LRRC4C: variants seen among roughly 807,000 people sequenced by gnomAD.
LRRC4C encodes the protein leucine rich repeat containing 4C.
A neutral mutation model predicts 33.6 loss-of-function variants in LRRC4C; 5 were observed. The observed-to-expected ratio is 0.15, with a 90% CI of 0.08 to 0.31. The LOEUF (loss-of-function observed/expected upper bound fraction) is 0.31. LRRC4C is among the 10% of genes least tolerant of loss of function. The probability of loss-of-function intolerance (pLI) is 1.00; values close to 1 mark genes in which losing one functional copy is unlikely to be tolerated. For synonymous variants in LRRC4C, 329 were observed against 302.0 expected, an observed-to-expected ratio of 1.09 and a Z score of -0.93; for missense variants, 560 against 796.7, an observed-to-expected ratio of 0.70 and a Z score of 3.58.
chr11:40,465,227 T>C (rs1190144521), intron 3 of LRRC4C, among the ~76,000 whole-genome samples: 1 of 151,938 alleles, frequency 6.6e-6, no homozygotes, highest in Non-Finnish European at 1.5e-5. Context: ...CCCCGTTCAA[T>C]AAATGGTGCT....
chr11:40,399,303 A>G (rs376320369), intron 3 of LRRC4C, among the ~76,000 whole-genome samples: 2 of 152,252 alleles, frequency 1.3e-5, no homozygotes, highest in South Asian at 2.1e-4. Flanking sequence ...ACAATGATAG[A>G]CTGGATTAAG....
At chr11:40,940,559 C>A (rs771980025) in intron 1 of LRRC4C, among the ~76,000 whole-genome samples, 3 of 152,134 alleles carry the variant, frequency 2.0e-5, no homozygotes, top group Non-Finnish European at 4.4e-5. Context: ...CTATTTTTAA[C>A]CATCATCTTT....
intron 1 of LRRC4C, among the ~76,000 whole-genome samples, chr11:41,109,838 G>A (rs1171999704): frequency 6.6e-6 from 1 of 151,984 alleles, no homozygotes; most frequent in Admixed American, 6.6e-5. Context: ...CTCTTTAAGA[G>A]CATCAAGGGA....
At chr11:41,110,318 A>C (rs1226214498) in intron 1 of LRRC4C, among the ~76,000 whole-genome samples, 1 of 152,114 alleles carries the variant, frequency 6.6e-6, no homozygotes, top group African/African-American at 2.4e-5. Flanking sequence ...TGCAAGCTTA[A>C]TAATAGCTAA....
Position 40,115,539 on chromosome 11 carries a change from G to C in LRRC4C, c.754C>G (p.Gln252Glu). The change falls in exon 7 of 7, where the codon CAG (glutamine) becomes GAG (glutamate). Residue 252 changes from glutamine (Q) to glutamate (E), a missense_variant. By Grantham distance (29) the Gln-to-Glu change is conservative. Transcript: ENST00000528697. The surrounding 1 kb of genome is among the most constrained non-coding windows in gnomAD (Gnocchi z 6.7). ...CGTTCAATCACTTGAATCTGGGACT[G>C]TATCATCCACAGTTTTTGAAGGTGC... ...LMHLQKLWMI[Q>E]SQIQVIERNA... is the part of the protein sequence containing the mutation. 6.2e-7 allele frequency: 1 copy of C among 1,614,204 alleles called. No individual in the cohort carries two copies. The highest frequency in any genetic ancestry group is 8.5e-7 in the Non-Finnish European group (1 of 1,180,034).
intron 1 of LRRC4C, among the ~76,000 whole-genome samples, chr11:41,332,904 G>C (rs1591288839): frequency 6.6e-6 from 1 of 152,088 alleles, no homozygotes; most frequent in East Asian, 1.9e-4. Context: ...TAGTGACTCA[G>C]AATAACTTCT....
intron 3 of LRRC4C, among the ~76,000 whole-genome samples, chr11:40,620,431 G>C (rs1962339734): frequency 6.6e-6 from 1 of 151,740 alleles, no homozygotes; most frequent in African/African-American, 2.4e-5. Context: ...TCCACGGCTG[G>C]AAGGAGGTAG....
intron 3 of LRRC4C, among the ~76,000 whole-genome samples, chr11:40,575,096 A>G (rs1307812555): frequency 6.6e-6 from 1 of 152,126 alleles, no homozygotes; most frequent in African/African-American, 2.4e-5. Context: ...TCCATATCTC[A>G]GGACAATGGA....
Position 41,222,040 on chromosome 11 carries a change from C to A in LRRC4C, c.-496+237391G>T, listed in dbSNP as rs560473109. On this transcript the variant is annotated intron_variant, in intron 1 of 6. Coordinates refer to ENST00000528697, the MANE Select transcript of LRRC4C (RefSeq NM_001258419.2). ...AATAAAATCTCACCTTCTAAGGGAGCAGAGAGTAGAAGAATGGTGAATTAC... is the reference window on the plus strand; with the variant it reads ...AATAAAATCTCACCTTCTAAGGGAGAAGAGAGTAGAAGAATGGTGAATTAC... 5.9e-5 allele frequency among the ~76,000 whole-genome samples: 9 copies of A among 152,258 alleles called. No individual in the cohort carries two copies. The East Asian group carries it at 1.7e-3, about 29-fold the overall frequency.
At chr11:40,915,226 C>G (rs1444880847) in intron 2 of LRRC4C, among the ~76,000 whole-genome samples, 3 of 152,048 alleles carry the variant, frequency 2.0e-5, no homozygotes, top group Non-Finnish European at 4.4e-5. Context: ...AAAAAAGAGC[C>G]CATATTGCCA....
chr11:40,524,129 G>A (rs1327527321), intron 3 of LRRC4C, among the ~76,000 whole-genome samples: 2 of 152,150 alleles, frequency 1.3e-5, no homozygotes, highest in South Asian at 2.1e-4. Flanking sequence ...TAACACTGAA[G>A]TAAGGGTTTT....
chr11:40,427,219 G>A (rs1227416457), intron 3 of LRRC4C, among the ~76,000 whole-genome samples: 3 of 152,116 alleles, frequency 2.0e-5, no homozygotes, highest in Non-Finnish European at 4.4e-5. Context: ...AAATTAAGTT[G>A]AGGACCGGGC....
chr11:40,156,944 C>T (rs531863299), intron 5 of LRRC4C, among the ~76,000 whole-genome samples: 1 of 151,964 alleles, frequency 6.6e-6, no homozygotes, highest in Admixed American at 6.6e-5. Flanking sequence ...CAAAAAAGAG[C>T]CCGTATAGCC....
At chr11:40,666,969 GC>G (rs1395868514) in intron 2 of LRRC4C, among the ~76,000 whole-genome samples, 1 of 152,088 alleles carries the variant, frequency 6.6e-6, no homozygotes, top group Non-Finnish European at 1.5e-5. Flanking sequence ...AATTCAAATT[GC>G]CATCAATGGT....
chr11:41,365,879 T>C (rs988444316), intron 1 of LRRC4C, among the ~76,000 whole-genome samples: 1 of 152,200 alleles, frequency 6.6e-6, no homozygotes, highest in Non-Finnish European at 1.5e-5. Flanking sequence ...GAATTCACAC[T>C]CTACCATTTA....
intron 1 of LRRC4C, among the ~76,000 whole-genome samples, chr11:40,989,131 T>C (rs1167311654): frequency 1.3e-5 from 2 of 152,224 alleles, no homozygotes; most frequent in African/African-American, 4.8e-5. Flanking sequence ...TGATCATTTG[T>C]TTAAAGCCAG....
chr11:40,552,785 T>C (rs1282357632), intron 3 of LRRC4C, among the ~76,000 whole-genome samples: 1 of 152,210 alleles, frequency 6.6e-6, no homozygotes, highest in Non-Finnish European at 1.5e-5. Flanking sequence ...AGATAATATA[T>C]ACCCTTTTTC....
intron 1 of LRRC4C, among the ~76,000 whole-genome samples, chr11:41,284,540 C>T (rs1056436265): frequency 3.3e-5 from 5 of 152,182 alleles, no homozygotes; most frequent in African/African-American, 1.2e-4. Context: ...TTACCACTGA[C>T]GTCCACTGAC....
chr11:40,411,201 C>G (rs1950143929), intron 3 of LRRC4C, among the ~76,000 whole-genome samples: 1 of 152,016 alleles, frequency 6.6e-6, no homozygotes, highest in Non-Finnish European at 1.5e-5. Context: ...TGTTAGACAT[C>G]TGGAGCATTA....
Sources: allele counts gnomAD v4.1 joint callset (sites outside exome capture counted in the v4.1 genomes callset), GRCh38; gene constraint gnomAD v4.1.1; non-coding constraint Gnocchi (gnomAD v3.1); transcripts MANE v1.5; gene names NCBI Gene and HGNC (gene_info 2026-07-23, HGNC 2026-07-21).